CSMD1: variants seen among roughly 807,000 people sequenced by gnomAD.
The protein encoded by CSMD1 is CUB and sushi domain-containing protein 1.
CSMD1 carries 213 observed loss-of-function variants against 417.5 expected under a neutral mutation model. The observed-to-expected ratio is 0.51, with a 90% CI of 0.46 to 0.57. The LOEUF (loss-of-function observed/expected upper bound fraction) is 0.57, where lower values mean the gene tolerates loss of function less well. Ranked by LOEUF, CSMD1 falls within the 20% of genes least tolerant of loss-of-function variation. The pLI is 0.00. For missense variants in CSMD1, 6,923 were observed against 4,529.7 expected (o/e 1.53, Z -15.17); for synonymous variants, 2,862 against 1,736.8 (o/e 1.65, Z -16.11).
At chr8:4,159,593 A>C (rs1409699335) in intron 3 of CSMD1, among the ~76,000 whole-genome samples, 1 of 152,038 alleles carries the variant, frequency 6.6e-6, no homozygotes, top group Non-Finnish European at 1.5e-5. Context: ...GCAGACCATT[A>C]TTATTATTAT....
At chr8:3,047,949 C>T (rs1458639538) in intron 50 of CSMD1, among the ~76,000 whole-genome samples, 2 of 152,170 alleles carry the variant, frequency 1.3e-5, no homozygotes, top group Non-Finnish European at 2.9e-5. Context: ...ACAAACACCT[C>T]AACTTGACGG....
chr8:4,850,382 C>CTTTTTTTTTTTTTTT, intron 1 of CSMD1, among the ~76,000 whole-genome samples: 5 of 77,834 alleles, frequency 6.4e-5, no homozygotes, highest in African/African-American at 2.6e-4. Flanking sequence ...TCCAATTTAT[C>CTTTTTTTTTTTTTTT]TTTTTTTTTT....
chr8:3,902,056 G>C (rs773479627), intron 5 of CSMD1, among the ~76,000 whole-genome samples: 1 of 151,796 alleles, frequency 6.6e-6, no homozygotes, highest in Non-Finnish European at 1.5e-5. Flanking sequence ...GCAATGATTT[G>C]TACAGATTGT....
intron 5 of CSMD1, among the ~76,000 whole-genome samples, chr8:3,829,113 C>T (rs1306035315): frequency 1.3e-5 from 2 of 151,882 alleles, no homozygotes; most frequent in Non-Finnish European, 2.9e-5. Context: ...TTTATGAGAA[C>T]CTGGTGCACC....
intron 11 of CSMD1, 110 bp downstream of exon 11, chr8:3,493,513 C>G: frequency 2.5e-6 from 2 of 813,386 alleles, no homozygotes; most frequent in Admixed American, 2.4e-5. Context: ...ATAGATGGCA[C>G]TAAGCAAACA....
At chr8:4,075,580 A>C (rs1799778398) in intron 3 of CSMD1, among the ~76,000 whole-genome samples, 1 of 152,208 alleles carries the variant, frequency 6.6e-6, no homozygotes, top group South Asian at 2.1e-4. Flanking sequence ...AACGATGATT[A>C]ATTTATTCCT....
chr8:3,842,272 C>G (rs34988553), intron 5 of CSMD1, among the ~76,000 whole-genome samples: 19,941 of 152,028 alleles, frequency 0.13, 1,344 homozygotes, highest in East Asian at 0.16. Context: ...AATTCCCAAT[C>G]TTCTTATGAG....
chr8:4,341,499 TC>T (rs1477306988), intron 3 of CSMD1, among the ~76,000 whole-genome samples: 1 of 152,114 alleles, frequency 6.6e-6, no homozygotes, highest in Non-Finnish European at 1.5e-5. Flanking sequence ...ACTCTGCATA[TC>T]ATGAATGTGG....
chr8:3,770,154 T>C (rs576944197), intron 5 of CSMD1, among the ~76,000 whole-genome samples: 16 of 152,234 alleles, frequency 1.1e-4, no homozygotes, highest in Non-Finnish European at 2.2e-4. Context: ...CCTGCAGCCC[T>C]GGCCTATGCC....
chr8:3,871,242 T>C (rs1353074781), intron 5 of CSMD1, among the ~76,000 whole-genome samples: 1 of 152,098 alleles, frequency 6.6e-6, no homozygotes, highest in African/African-American at 2.4e-5. Context: ...AGAATACATA[T>C]TTTAGCACTT....
intron 26 of CSMD1, among the ~76,000 whole-genome samples, chr8:3,271,329 T>A: frequency 6.6e-6 from 1 of 152,012 alleles, no homozygotes; most frequent in African/African-American, 2.4e-5. Context: ...AGTCTATCAT[T>A]GTTGGACATT....
intron 3 of CSMD1, among the ~76,000 whole-genome samples, chr8:4,338,989 G>C (rs1363640662): frequency 1.3e-5 from 2 of 152,096 alleles, no homozygotes; most frequent in Non-Finnish European, 2.9e-5. Context: ...AAAATGCTTT[G>C]AGATTCTGTG....
At chr8:3,976,465 C>A (rs576358814) in intron 5 of CSMD1, among the ~76,000 whole-genome samples, 1 of 152,222 alleles carries the variant, frequency 6.6e-6, no homozygotes, top group South Asian at 2.1e-4. Context: ...CAGCTGTCTC[C>A]CGGGTCTAGA....
intron 1 of CSMD1, among the ~76,000 whole-genome samples, chr8:4,892,362 G>A (rs899502784): frequency 5.3e-5 from 8 of 152,080 alleles, no homozygotes; most frequent in African/African-American, 1.9e-4. Context: ...GAAAAATGGT[G>A]TGAACAAGAG....
At chr8:4,902,337 T>C (rs10086201) in intron 1 of CSMD1, among the ~76,000 whole-genome samples, 94,063 of 151,090 alleles carry the variant, frequency 0.62, 30,348 homozygotes, top group East Asian at 0.78. Flanking sequence ...CTCAGGAGAC[T>C]GAGGCAGAAG....
intron 1 of CSMD1, among the ~76,000 whole-genome samples, chr8:4,843,972 G>C (rs1800986871): frequency 6.6e-6 from 1 of 152,140 alleles, no homozygotes; most frequent in Non-Finnish European, 1.5e-5. Flanking sequence ...TGTTTCTCAT[G>C]AATCAGCAGG....
intron 1 of CSMD1, among the ~76,000 whole-genome samples, chr8:4,653,035 G>C (rs908098555): frequency 2.0e-5 from 3 of 151,984 alleles, no homozygotes; most frequent in Non-Finnish European, 4.4e-5. Context: ...CCACAGATAG[G>C]TACCTGTCCT....
In CSMD1 at chr8:3,747,082, G is replaced by A. The variant is rs576649236; in HGVS notation, c.931+6848C>T. ...AAAACACGTTCTGATGTTAAGTAGT[G>A]GGAGCAGTATGACAAGTCGGTGGAG... is the stretch of plus-strand genomic sequence containing the variant. On this transcript the variant is annotated intron_variant, in intron 6 of 69. Coordinates refer to ENST00000635120, the MANE Select transcript of CSMD1 (RefSeq NM_033225.6). Among the ~76,000 whole-genome samples the A allele has an allele frequency of 2.6e-5, 4 of 152,234 alleles. No individual in the cohort carries two copies. The East Asian group carries it at 5.8e-4, about 22-fold the overall frequency.
Position 4,423,679 on chromosome 8 carries a change from G to C in CSMD1, c.303-3614C>G, listed in dbSNP as rs373758008. ...ACAATTTCCACCAAAATCCCAGCAA[G>C]AATTTTTGGGTATATAGCAAGATCT... is the stretch of plus-strand genomic sequence containing the variant. On this transcript the variant is annotated intron_variant, in intron 2 of 69. Coordinates refer to ENST00000635120, the MANE Select transcript of CSMD1 (RefSeq NM_033225.6). 2.9e-4 allele frequency among the ~76,000 whole-genome samples: 44 copies of C among 151,954 alleles called. No individual in the cohort carries two copies. In the East Asian group the frequency reaches 4.6e-3, roughly 16 times the overall value.
Sources: gnomAD v4.1 joint callset for allele counts (sites outside exome capture counted in the v4.1 genomes callset) on GRCh38, gnomAD v4.1.1 for gene constraint, MANE v1.5 for transcripts, NCBI Gene and HGNC (gene_info 2026-07-23, HGNC 2026-07-21) for gene names.